LARP4: variants seen among roughly 807,000 people sequenced by gnomAD.
LARP4 encodes the protein la-related protein 4.
In LARP4, 29 loss-of-function variants were observed where a neutral mutation model predicts 92.9. The ratio of observed to expected loss-of-function variants is 0.31; its 90% CI spans 0.23 to 0.43. The LOEUF (loss-of-function observed/expected upper bound fraction) is 0.43. Among genes scored for constraint, LARP4 ranks in the 20% least tolerant of loss-of-function variants. The probability of loss-of-function intolerance (pLI) is 1.00; values close to 1 mark genes in which losing one functional copy is unlikely to be tolerated. For synonymous variants in LARP4, 279 were observed against 284.1 expected (o/e 0.98, Z 0.18); for missense variants, 732 against 860.0 (o/e 0.85, Z 1.86).
At chr12:50,468,948 T>G (rs1956542994) in intron 13 of LARP4, among the ~76,000 whole-genome samples, 1 of 152,096 alleles carries the variant, frequency 6.6e-6, no homozygotes, top group Admixed American at 6.6e-5. Context: ...CTAGCTATGT[T>G]CCTGGGCCTT....
In LARP4 at chr12:50,430,477, CTTCTT is replaced by C. The variant is rs759415864; in HGVS notation, c.323-13_323-9del. The C allele has an allele frequency of 1.3e-6, 2 of 1,511,444 alleles. No individual in the cohort carries two copies. The highest frequency in any genetic ancestry group is 9.1e-7 in the Non-Finnish European group (1 of 1,098,500). The allele number at this position is 1,511,444 out of a possible 1,614,324, so 93.6% of individuals were successfully genotyped here. On this transcript the variant is annotated splice_polypyrimidine_tract_variant and intron_variant, in intron 3 of 15. Coordinates refer to ENST00000398473, the MANE Select transcript of LARP4 (RefSeq NM_052879.5). ...AACATGCTATTAACTTTTTTTCCCT[CTTCTT>C]TTCTACCATCAGGAGAAAGCAATTC...
At chr12:50,462,990 A>T (rs1302026517) in intron 12 of LARP4, among the ~76,000 whole-genome samples, 7 of 152,082 alleles carry the variant, frequency 4.6e-5, no homozygotes, top group African/African-American at 1.7e-4. Context: ...CTGGAATTAC[A>T]GGCCTGAGCC....
At chr12:50,401,123 C>T in intron 1 of LARP4, 95 bp downstream of exon 1, 1 of 1,430,030 alleles carries the variant, frequency 7.0e-7, no homozygotes, top group South Asian at 1.1e-5. Flanking sequence ...CCGGGCCGTA[C>T]ACGCCGCGGA....
At chr12:50,421,220 AT>A in intron 1 of LARP4, 1 of 958,384 alleles carries the variant, frequency 1.0e-6, no homozygotes, top group Non-Finnish European at 1.2e-6. Flanking sequence ...AAGTGCTTTG[AT>A]TACAGGCGTG....
intron 6 of LARP4, among the ~76,000 whole-genome samples, chr12:50,439,819 C>A (rs530458026): frequency 6.6e-6 from 1 of 151,858 alleles, no homozygotes; most frequent in Non-Finnish European, 1.5e-5. Flanking sequence ...AACAGTTTTA[C>A]CATTTTGAGT....
chr12:50,410,838 C>T (rs1045888563), intron 1 of LARP4, among the ~76,000 whole-genome samples: 1 of 152,088 alleles, frequency 6.6e-6, no homozygotes, highest in African/African-American at 2.4e-5. Context: ...TCGATGGTGG[C>T]GTCAGGTTCT....
chr12:50,447,262 C>G (rs547796713), intron 8 of LARP4, among the ~76,000 whole-genome samples: 2 of 152,244 alleles, frequency 1.3e-5, no homozygotes, highest in South Asian at 4.1e-4. Flanking sequence ...ACAAAAAAAG[C>G]TGGTACCAAG....
At chr12:50,411,865 G>A (rs1945966591) in intron 1 of LARP4, among the ~76,000 whole-genome samples, 1 of 151,092 alleles carries the variant, frequency 6.6e-6, no homozygotes, top group South Asian at 2.1e-4. Flanking sequence ...ATTTTTAGTA[G>A]ATAAACGGGG....
chr12:50,466,330 A>T (rs1279126353), intron 12 of LARP4, among the ~76,000 whole-genome samples: 1 of 152,114 alleles, frequency 6.6e-6, no homozygotes, highest in Non-Finnish European at 1.5e-5. Flanking sequence ...AAAGATGGTG[A>T]TGGGCGGGCA....
At chr12:50,431,532 T>C (rs1287038126) in intron 4 of LARP4, among the ~76,000 whole-genome samples, 1 of 151,960 alleles carries the variant, frequency 6.6e-6, no homozygotes, top group East Asian at 1.9e-4. Flanking sequence ...AGGCAAACAT[T>C]TGGAGAAGTC....
chr12:50,436,131 GTGTGTGTGT>G (rs1333010892), intron 5 of LARP4, among the ~76,000 whole-genome samples: 8 of 143,236 alleles, frequency 5.6e-5, no homozygotes, highest in African/African-American at 2.2e-4. Context: ...ATATGTGTGT[GTGTGTGTGT>G]ATATATCCCG....
At chr12:50,411,498 C>T (rs1012941950) in intron 1 of LARP4, among the ~76,000 whole-genome samples, 1 of 151,716 alleles carries the variant, frequency 6.6e-6, no homozygotes, top group Non-Finnish European at 1.5e-5. Context: ...CGTGCACCAC[C>T]AACCCCATCT....
chr12:50,456,117 C>T (rs1322606367), intron 10 of LARP4, among the ~76,000 whole-genome samples: 1 of 152,160 alleles, frequency 6.6e-6, no homozygotes, highest in African/African-American at 2.4e-5. Context: ...CTGATATTTG[C>T]AGTTGCTTGA....
rs1368945610 is a variant in LARP4 at position 50,479,652 on chromosome 12, C to T, written c.*3788C>T. On this transcript the variant is annotated 3_prime_UTR_variant, in exon 16 of 16. Coordinates refer to ENST00000398473, the MANE Select transcript of LARP4 (RefSeq NM_052879.5). ...TCTTCGAGTTGACAGTTCCTAAAAG[C>T]GTAACTCAGATATTAATGGGCTGTG... The T allele has an allele frequency of 1.3e-5, 2 of 152,136 alleles. No individual in the cohort carries two copies. The highest frequency in any genetic ancestry group is 2.9e-5 in the Non-Finnish European group (2 of 68,032). The allele number at this position is 152,136 out of a possible 1,614,324, so 9.4% of individuals were successfully genotyped here. A position where few individuals can be genotyped will look rare whatever the true frequency, so the allele number is the denominator to read the frequency against.
At chr12:50,435,661 T>C (rs779945296) in intron 5 of LARP4, 37 bp downstream of exon 5, 213 of 1,469,848 alleles carry the variant, frequency 1.4e-4, no homozygotes, top group Non-Finnish European at 1.8e-4. Context: ...TTTTTAATTT[T>C]TAAACGTAAA....
chr12:50,425,397 CACCTATCTGGT>C (rs1242171353), intron 1 of LARP4, among the ~76,000 whole-genome samples: 1 of 152,138 alleles, frequency 6.6e-6, no homozygotes, highest in African/African-American at 2.4e-5. Context: ...CTTGGGTAGG[CACCTATCTGGT>C]ATTCTCAGAA....
chr12:50,442,631 T>C (rs1951396462), intron 8 of LARP4, among the ~76,000 whole-genome samples: 1 of 152,256 alleles, frequency 6.6e-6, no homozygotes, highest in African/African-American at 2.4e-5. Context: ...TTCTTACTAA[T>C]CCCTCTGTGT....
chr12:50,437,608 C>G, intron 5 of LARP4, 127 bp from the exon 6 acceptor site: 1 of 557,104 alleles, frequency 1.8e-6, no homozygotes, highest in Non-Finnish European at 3.2e-6. Flanking sequence ...AACTTAGTTT[C>G]TTTAGGATAT....
intron 4 of LARP4, among the ~76,000 whole-genome samples, chr12:50,432,011 C>G (rs1452162473): frequency 6.6e-6 from 1 of 151,972 alleles, no homozygotes; most frequent in Non-Finnish European, 1.5e-5. Flanking sequence ...GGTAGCGTGG[C>G]CCTGTAGTTC....
Sources: gnomAD v4.1 joint callset for allele counts (sites outside exome capture counted in the v4.1 genomes callset) on GRCh38, gnomAD v4.1.1 for gene constraint, MANE v1.5 for transcripts, NCBI Gene and HGNC (gene_info 2026-07-23, HGNC 2026-07-21) for gene names.